Variants in PDSS2 observed in about 807,000 individuals in gnomAD.
PDSS2 encodes the protein decaprenyl diphosphate synthase subunit 2, also known as all trans-polyprenyl-diphosphate synthase PDSS2.
In PDSS2, 31 loss-of-function variants were observed where a neutral mutation model predicts 44.5. The observed-to-expected ratio is 0.70, with a 90% CI of 0.52 to 0.94. The LOEUF is 0.94. Among genes scored for constraint, PDSS2 ranks in the 40% least tolerant of loss-of-function variants. The probability of loss-of-function intolerance (pLI) is 0.00; values close to 1 mark genes in which losing one functional copy is unlikely to be tolerated. For missense variants in PDSS2, 452 were observed against 482.2 expected (o/e 0.94, Z 0.59); for synonymous variants, 157 against 180.3 (o/e 0.87, Z 1.03).
chr6:107,359,169 C>A (rs1778686555), intron 1 of PDSS2, among the ~76,000 whole-genome samples: 1 of 151,624 alleles, frequency 6.6e-6, no homozygotes, highest in Admixed American at 6.6e-5. Context: ...CGCCATCACG[C>A]CCAGCTGATT....
intron 1 of PDSS2, among the ~76,000 whole-genome samples, chr6:107,343,654 T>C (rs1778148672): frequency 6.6e-6 from 1 of 152,190 alleles, no homozygotes; most frequent in Non-Finnish European, 1.5e-5. Context: ...CAAAATTGTA[T>C]ACATCATATG....
intron 1 of PDSS2, among the ~76,000 whole-genome samples, chr6:107,441,611 G>A (rs1436872832): frequency 6.6e-6 from 1 of 152,130 alleles, no homozygotes; most frequent in African/African-American, 2.4e-5. Context: ...TTTTTGTGGA[G>A]GTGGTCAGAA....
At position 107,241,245 on chromosome 6, in the gene PDSS2, T is replaced by TAA. The variant is rs35226308; in HGVS notation, c.702+4301_702+4302dup. Reference sequence around the variant, plus strand: ...GCCTGGGCAACAGAGCGAGACTCGGTAAAAAAAAAAAAAAAAAAAAGTATT... The same window carrying TAA: ...GCCTGGGCAACAGAGCGAGACTCGGTAAAAAAAAAAAAAAAAAAAAAAGTATT... On this transcript the variant is annotated intron_variant, in intron 4 of 7. Transcript: ENST00000369037. Among the ~76,000 whole-genome samples the TAA allele has an allele frequency of 3.1e-4, 30 of 98,098 alleles. No homozygotes were observed. The South Asian group carries it at 5.7e-3, about 19-fold the overall frequency. The allele number at this position is 98,098 out of a possible 152,430, so 64.4% of individuals were successfully genotyped here.
intron 3 of PDSS2, among the ~76,000 whole-genome samples, chr6:107,256,876 T>C (rs536358477): frequency 6.6e-6 from 1 of 150,472 alleles, no homozygotes; most frequent in Admixed American, 6.6e-5. Context: ...ATAAATAAAT[T>C]AATTAATTAA....
chr6:107,343,012 G>A (rs1248114158), intron 1 of PDSS2, among the ~76,000 whole-genome samples: 1 of 152,058 alleles, frequency 6.6e-6, no homozygotes, highest in Admixed American at 6.6e-5. Flanking sequence ...TAATGGAGAT[G>A]GCAATGTTGC....
intron 2 of PDSS2, among the ~76,000 whole-genome samples, chr6:107,315,326 C>G (rs1293318649): frequency 2.0e-5 from 3 of 152,140 alleles, no homozygotes; most frequent in African/African-American, 4.8e-5. Context: ...CAGCAGATAA[C>G]TGGTTAACAG....
intron 7 of PDSS2, among the ~76,000 whole-genome samples, chr6:107,180,278 G>C (rs1188922912): frequency 1.3e-5 from 2 of 152,146 alleles, no homozygotes; most frequent in Non-Finnish European, 2.9e-5. Flanking sequence ...CTATCCCACA[G>C]TGCAGAGCAT....
chr6:107,451,180 G>A (rs560810988), intron 1 of PDSS2, among the ~76,000 whole-genome samples: 14 of 152,250 alleles, frequency 9.2e-5, no homozygotes, highest in Middle Eastern at 3.4e-3. Context: ...CAGAGGGGCC[G>A]AACCATTTTA....
intron 1 of PDSS2, among the ~76,000 whole-genome samples, chr6:107,402,695 T>C (rs1030346615): frequency 6.6e-6 from 1 of 151,272 alleles, no homozygotes; most frequent in East Asian, 2.0e-4. Context: ...GGAATTGCCC[T>C]TTATAAAACC....
At chr6:107,237,443 A>G (rs1480660848) in intron 4 of PDSS2, among the ~76,000 whole-genome samples, 1 of 151,612 alleles carries the variant, frequency 6.6e-6, no homozygotes, top group Non-Finnish European at 1.5e-5. Context: ...GGGTTTCACC[A>G]TGTTGGTCAG....
In PDSS2 at chr6:107,220,777, A is replaced by G. The variant is rs552094388; in HGVS notation, c.703-8495T>C. ...ACTACCATAAGTTAATTGGACCACA[A>G]ATTAACTGTTCCTAAGTTAATCAGA... is the stretch of plus-strand genomic sequence containing the variant. On this transcript the variant is annotated intron_variant, in intron 4 of 7. Transcript: ENST00000369037. Among the ~76,000 whole-genome samples the G allele has an allele frequency of 3.9e-5, 6 of 152,306 alleles. No individual in the cohort carries two copies. In the East Asian group the frequency reaches 9.6e-4, roughly 24 times the overall value.
At chr6:107,267,940 T>C (rs1442235132) in intron 3 of PDSS2, among the ~76,000 whole-genome samples, 1 of 152,100 alleles carries the variant, frequency 6.6e-6, no homozygotes, top group Non-Finnish European at 1.5e-5. Context: ...TTTTTTACTT[T>C]AGCTTTTAAA....
At chr6:107,184,680 C>T in intron 7 of PDSS2, among the ~76,000 whole-genome samples, 1 of 152,104 alleles carries the variant, frequency 6.6e-6, no homozygotes, top group East Asian at 1.9e-4. Context: ...ATGCTGATGT[C>T]TGAGAGGCAT....
chr6:107,422,948 AT>A (rs1429569933), intron 1 of PDSS2, among the ~76,000 whole-genome samples: 1 of 151,970 alleles, frequency 6.6e-6, no homozygotes, highest in African/African-American at 2.4e-5. Context: ...GCACTACATA[AT>A]TTTTTTTACT....
intron 3 of PDSS2, among the ~76,000 whole-genome samples, chr6:107,267,083 T>G (rs1436526832): frequency 6.6e-6 from 1 of 152,226 alleles, no homozygotes; most frequent in East Asian, 1.9e-4. Flanking sequence ...TAAGATTTCA[T>G]CAGAATAGTT....
chr6:107,432,251 C>T (rs1281118992), intron 1 of PDSS2, among the ~76,000 whole-genome samples: 1 of 152,170 alleles, frequency 6.6e-6, no homozygotes, highest in Non-Finnish European at 1.5e-5. Flanking sequence ...AAACCATCAA[C>T]ATCTCAGGAT....
intron 7 of PDSS2, among the ~76,000 whole-genome samples, chr6:107,162,229 G>T (rs537384072): frequency 6.6e-6 from 1 of 152,124 alleles, no homozygotes; most frequent in Non-Finnish European, 1.5e-5. Context: ...CGGGCGCAGT[G>T]GCTCACGCCT....
rs957157286 is a variant in PDSS2, at chr6:107,400,473, T to C, written c.296+58517A>G. Among the ~76,000 whole-genome samples the C allele has an allele frequency of 5.9e-5, 9 of 152,150 alleles. No individual in the cohort carries two copies. The South Asian group carries it at 1.9e-3, about 32-fold the overall frequency. ...GGACTGGACTGGGAGGAGTGTGGCC[T>C]GGGGGCCGCAGTTTTTGTCCTGGGA... On this transcript the variant is annotated intron_variant, in intron 1 of 7. Coordinates refer to ENST00000369037, the MANE Select transcript of PDSS2 (RefSeq NM_020381.4).
At chr6:107,213,024 AT>A (rs1234537951) in intron 4 of PDSS2, among the ~76,000 whole-genome samples, 1 of 151,654 alleles carries the variant, frequency 6.6e-6, no homozygotes, top group African/African-American at 2.4e-5. Flanking sequence ...CCCTCTTTTT[AT>A]TTGAGACAGG....
Sources: gnomAD v4.1 joint callset for allele counts (sites outside exome capture counted in the v4.1 genomes callset) on GRCh38, gnomAD v4.1.1 for gene constraint, MANE v1.5 for transcripts, NCBI Gene and HGNC (gene_info 2026-07-23, HGNC 2026-07-21) for gene names.